The following LRFN2 variants were observed in gnomAD, a reference collection of about 807,000 sequenced individuals.
The protein encoded by LRFN2 is leucine-rich repeat and fibronectin type-III domain-containing protein 2.
A neutral mutation model predicts 37.3 loss-of-function variants in LRFN2; 18 were observed. The ratio of observed to expected loss-of-function variants is 0.48; its 90% CI spans 0.33 to 0.72. LRFN2 has a LOEUF of 0.72. LRFN2 is among the 30% of genes least tolerant of loss of function. The pLI is 0.02. For missense variants in LRFN2, 1,006 were observed against 1,060.7 expected, an observed-to-expected ratio of 0.95 and a Z score of 0.72; for synonymous variants, 556 against 466.6, an observed-to-expected ratio of 1.19 and a Z score of -2.47.
At chr6:40,493,218 C>A (rs943855605) in intron 1 of LRFN2, among the ~76,000 whole-genome samples, 1 of 152,124 alleles carries the variant, frequency 6.6e-6, no homozygotes, top group Non-Finnish European at 1.5e-5. Flanking sequence ...TATAGATGCC[C>A]CCTGCCCTTG....
chr6:40,497,052 C>A (rs1272574997), intron 1 of LRFN2, among the ~76,000 whole-genome samples: 2 of 152,150 alleles, frequency 1.3e-5, no homozygotes, highest in African/African-American at 4.8e-5. Flanking sequence ...GCAAAGGAGT[C>A]AGTCCCTCAC....
At chr6:40,484,735 G>A (rs1253304621) in intron 1 of LRFN2, among the ~76,000 whole-genome samples, 1 of 152,204 alleles carries the variant, frequency 6.6e-6, no homozygotes, top group Non-Finnish European at 1.5e-5. Flanking sequence ...TCCAAGCTAA[G>A]TCCATGAGCT....
At chr6:40,532,456 C>T (rs550168658) in intron 1 of LRFN2, among the ~76,000 whole-genome samples, 2 of 152,270 alleles carry the variant, frequency 1.3e-5, no homozygotes, top group South Asian at 4.1e-4. Context: ...TAGTGGGACA[C>T]CATTATTCTC....
chr6:40,453,138 T>C (rs1764151760), intron 1 of LRFN2, among the ~76,000 whole-genome samples: 1 of 152,112 alleles, frequency 6.6e-6, no homozygotes, highest in African/African-American at 2.4e-5. Context: ...TCCAGCTCTC[T>C]CCAAGAAGAA....
chr6:40,485,724 A>C (rs1764941504), intron 1 of LRFN2, among the ~76,000 whole-genome samples: 1 of 152,174 alleles, frequency 6.6e-6, no homozygotes, highest in Non-Finnish European at 1.5e-5. Flanking sequence ...CCCTGGAAGA[A>C]CTCAGGGCAA....
intron 1 of LRFN2, among the ~76,000 whole-genome samples, chr6:40,436,997 T>A (rs564322885): frequency 2.0e-5 from 3 of 151,144 alleles, no homozygotes; most frequent in South Asian, 4.2e-4. Flanking sequence ...GGTGGTTGAG[T>A]GTGTGTGTGT....
At chr6:40,538,328 G>GC (rs1478173566) in intron 1 of LRFN2, among the ~76,000 whole-genome samples, 4 of 152,028 alleles carry the variant, frequency 2.6e-5, no homozygotes, top group Non-Finnish European at 4.4e-5. Context: ...CTGTGTAGCA[G>GC]CCCCCCTTCT....
intron 1 of LRFN2, among the ~76,000 whole-genome samples, chr6:40,500,020 C>A (rs1300672644): frequency 6.6e-6 from 1 of 152,234 alleles, no homozygotes; most frequent in Non-Finnish European, 1.5e-5. Flanking sequence ...ACCTGCCTCC[C>A]ATCCTCTCCG....
intron 2 of LRFN2, among the ~76,000 whole-genome samples, chr6:40,400,916 T>C (rs1272340968): frequency 1.3e-5 from 2 of 151,682 alleles, no homozygotes; most frequent in East Asian, 3.8e-4. Flanking sequence ...TGTAGGTGTT[T>C]ACATGTATGT....
At chr6:40,525,858 A>G (rs371099729) in intron 1 of LRFN2, among the ~76,000 whole-genome samples, 171 of 152,252 alleles carry the variant, frequency 1.1e-3, no homozygotes, top group African/African-American at 4.0e-3. Flanking sequence ...CCGCAAGACC[A>G]CGTAAGACAC....
intron 1 of LRFN2, among the ~76,000 whole-genome samples, chr6:40,543,457 C>T (rs1766593466): frequency 6.6e-6 from 1 of 152,210 alleles, no homozygotes; most frequent in South Asian, 2.1e-4. Flanking sequence ...ATCTTCCCCA[C>T]TCCAACTTCT....
intron 1 of LRFN2, among the ~76,000 whole-genome samples, chr6:40,547,866 C>T (rs1392150945): frequency 1.3e-5 from 2 of 152,180 alleles, no homozygotes; most frequent in African/African-American, 4.8e-5. Flanking sequence ...CCCAGTGTTA[C>T]CAGCCCCAGG....
intron 1 of LRFN2, among the ~76,000 whole-genome samples, chr6:40,556,151 G>A (rs775457891): frequency 6.6e-6 from 1 of 152,142 alleles, no homozygotes; most frequent in Non-Finnish European, 1.5e-5. Context: ...TGTAGAATTG[G>A]CCTTATGGTT....
In LRFN2 at chr6:40,392,646, C is replaced by T. The variant is rs1431372460; in HGVS notation, c.1667G>A (p.Arg556His). Reference protein sequence around the residue: ...LLVFIVILMVRYKVCNHEAPS... With the variant: ...LLVFIVILMVHYKVCNHEAPS... Reference sequence around the variant, plus strand: ...GGCCTCGTGGTTGCAGACCTTGTAGCGCACCATGAGGATGACGATGAAGAC... The same window carrying T: ...GGCCTCGTGGTTGCAGACCTTGTAGTGCACCATGAGGATGACGATGAAGAC... The change falls in exon 3 of 3, where the codon CGC (arginine) becomes CAC (histidine). Residue 556 changes from arginine to histidine, a missense_variant. By Grantham distance (29) the Arg-to-His change is conservative. Coordinates refer to ENST00000338305, the MANE Select transcript of LRFN2 (RefSeq NM_020737.3). The surrounding 1 kb of genome is among the most constrained non-coding windows in gnomAD (Gnocchi z 4.7). 1.2e-6 allele frequency: 2 copies of T among 1,612,670 alleles called. No individual in the cohort carries two copies. Among genetic ancestry groups the T allele is most frequent in the Admixed American group, 1.7e-5 (1 of 60,026 alleles).
intron 1 of LRFN2, among the ~76,000 whole-genome samples, chr6:40,542,225 C>A (rs770056734): frequency 1.3e-5 from 2 of 152,206 alleles, no homozygotes; most frequent in Non-Finnish European, 2.9e-5. Context: ...AAGCCTCACA[C>A]ACCCTGCGAT....
chr6:40,460,477 G>A (rs576335380), intron 1 of LRFN2, among the ~76,000 whole-genome samples: 19 of 152,278 alleles, frequency 1.2e-4, no homozygotes, highest in Middle Eastern at 3.4e-3. Context: ...ATGAGCATTA[G>A]AATGGAGAGC....
intron 1 of LRFN2, among the ~76,000 whole-genome samples, chr6:40,561,434 C>A (rs1766992942): frequency 6.6e-6 from 1 of 152,188 alleles, no homozygotes; most frequent in Non-Finnish European, 1.5e-5. Flanking sequence ...TCCATGTCTC[C>A]TAGAACTTCC....
At chr6:40,577,689 T>C in intron 1 of LRFN2, among the ~76,000 whole-genome samples, 1 of 110,136 alleles carries the variant, frequency 9.1e-6, no homozygotes, top group Non-Finnish European at 2.0e-5. Context: ...CGGTGTTTGG[T>C]TTTTTGTTCT....
At position 40,409,619 on chromosome 6, in the gene LRFN2, A is replaced by G. The variant is rs551339097; in HGVS notation, c.1401-16707T>C. ...GAATCTCAGCCTCCTCATCTGTCAA[A>G]CGGGAATGAGAACACTACCACCTCC... On this transcript the variant is annotated intron_variant, in intron 2 of 2. Coordinates refer to ENST00000338305, the MANE Select transcript of LRFN2 (RefSeq NM_020737.3). Among the ~76,000 whole-genome samples, 3 of 152,296 alleles carry G rather than the reference A, an allele frequency of 2.0e-5. No homozygotes were observed. In the South Asian group the frequency reaches 6.2e-4, roughly 32 times the overall value.
Sources: allele counts gnomAD v4.1 joint callset (sites outside exome capture counted in the v4.1 genomes callset), GRCh38; gene constraint gnomAD v4.1.1; non-coding constraint Gnocchi (gnomAD v3.1); transcripts MANE v1.5; gene names NCBI Gene and HGNC (gene_info 2026-07-23, HGNC 2026-07-21).